The following XK variants were observed in gnomAD, a reference collection of about 807,000 sequenced individuals.
The protein encoded by XK is X-linked Kx blood group antigen, Kell and VPS13A binding protein, also known as endoplasmic reticulum membrane adapter protein XK.
In XK, 2 loss-of-function variants were observed where a neutral mutation model predicts 14.0. That is an observed-to-expected ratio of 0.14 (90% CI 0.06 to 0.45). The LOEUF is 0.45. Among genes scored for constraint, XK ranks in the 20% least tolerant of loss-of-function variants. XK has a pLI of 0.98. For missense variants in XK, 235 were observed against 341.5 expected (o/e 0.69, Z 2.46); for synonymous variants, 149 against 147.5 (o/e 1.01, Z -0.08).
chrX:37,692,934 C>T (rs1173350666), intron 1 of XK, among the ~76,000 whole-genome samples: 1 of 110,536 alleles, frequency 9.0e-6, no homozygotes, highest in Non-Finnish European at 1.9e-5. Flanking sequence ...TTCTTGACCC[C>T]ATGGGACAAA....
chrX:37,712,849 G>A (rs1556447001), intron 2 of XK, among the ~76,000 whole-genome samples: 2 of 112,170 alleles, frequency 1.8e-5, no homozygotes, highest in Non-Finnish European at 3.8e-5. Context: ...CATTGCAAGT[G>A]TTAGAATATG....
At chrX:37,712,928 C>G (rs1210487309) in intron 2 of XK, among the ~76,000 whole-genome samples, 1 of 111,825 alleles carries the variant, frequency 8.9e-6, no homozygotes, top group Admixed American at 9.5e-5. Flanking sequence ...CAGAGTGATC[C>G]TATGGTTGAC....
intron 2 of XK, among the ~76,000 whole-genome samples, chrX:37,721,146 C>T (rs1378953612): frequency 9.0e-6 from 1 of 110,869 alleles, no homozygotes; most frequent in East Asian, 2.8e-4. Flanking sequence ...ATAAGTGTTC[C>T]CTTTTCTCCC....
intron 2 of XK, among the ~76,000 whole-genome samples, chrX:37,714,400 GA>G (rs782031965): frequency 9.2e-5 from 10 of 108,278 alleles, no homozygotes; most frequent in East Asian, 2.9e-4. Context: ...ATTACATTCA[GA>G]AAAAAAAAGC....
At chrX:37,705,376 C>T (rs1001002591) in intron 2 of XK, among the ~76,000 whole-genome samples, 16 of 109,182 alleles carry the variant, frequency 1.5e-4, no homozygotes, top group Non-Finnish European at 2.9e-4. Context: ...GGCGTGAACC[C>T]GGGAGGTGGA....
chrX:37,714,569 G>C (rs1233665982), intron 2 of XK, among the ~76,000 whole-genome samples: 1 of 110,878 alleles, frequency 9.0e-6, no homozygotes, highest in Non-Finnish European at 1.9e-5. Context: ...ACTTATTTAT[G>C]GTGAGAGGTT....
chrX:37,686,702 G>A (rs781847230), intron 1 of XK, among the ~76,000 whole-genome samples: 1 of 111,067 alleles, frequency 9.0e-6, no homozygotes, highest in South Asian at 4.0e-4. Context: ...ATTCTCATAG[G>A]GAAGTCAAGA....
chrX:37,706,730 A>G (rs1209262996), intron 2 of XK, among the ~76,000 whole-genome samples: 1 of 109,550 alleles, frequency 9.1e-6, no homozygotes, highest in East Asian at 2.8e-4. Flanking sequence ...AGGTCAGCAG[A>G]TAAACAAGTG....
intron 1 of XK, among the ~76,000 whole-genome samples, chrX:37,686,464 A>G (rs1236887324): frequency 8.9e-6 from 1 of 112,250 alleles, no homozygotes; most frequent in Non-Finnish European, 1.9e-5. Flanking sequence ...ACTGAAATTG[A>G]CCAACAAAAA....
intron 2 of XK, among the ~76,000 whole-genome samples, chrX:37,717,777 A>AT (rs1374653090): frequency 6.3e-5 from 7 of 111,782 alleles, no homozygotes; most frequent in Non-Finnish European, 1.3e-4. Context: ...TTCAAGAGAG[A>AT]TTTTGGTAAC....
At chrX:37,698,508 C>A (rs782237693) in intron 2 of XK, among the ~76,000 whole-genome samples, 2 of 76,332 alleles carry the variant, frequency 2.6e-5, no homozygotes, top group Non-Finnish European at 4.5e-5. Context: ...GAGGATAAGG[C>A]GGGAGGATTG....
chrX:37,696,096 G>GAAGGGTTGGCAAACTA (rs1168043047), intron 2 of XK, among the ~76,000 whole-genome samples: 19 of 111,931 alleles, frequency 1.7e-4, no homozygotes, highest in African/African-American at 6.2e-4. Context: ...TCTCACAGTT[G>GAAGGGTTGGCAAACTA]AAGGGTTGGC....
intron 2 of XK, among the ~76,000 whole-genome samples, chrX:37,707,412 GGT>G (rs1927556625): frequency 1.8e-5 from 2 of 109,264 alleles, no homozygotes; most frequent in African/African-American, 6.7e-5. Flanking sequence ...TCTCAGACAG[GGT>G]GGCTGCCGGG....
intron 1 of XK, among the ~76,000 whole-genome samples, chrX:37,693,476 CGTGTGTGTGT>C (rs781954179): frequency 1.0e-5 from 1 of 95,934 alleles, no homozygotes; most frequent in Non-Finnish European, 2.1e-5. Context: ...TCTATCAATT[CGTGTGTGTGT>C]GTGTGTGTGT....
chrX:37,708,098 C>G (rs782730568), intron 2 of XK, among the ~76,000 whole-genome samples: 24 of 112,260 alleles, frequency 2.1e-4, no homozygotes, highest in Admixed American at 9.4e-4. Flanking sequence ...CTCAGGCACT[C>G]GGCAGGCTGA....
At chrX:37,726,901 A>C (rs1927985341) in intron 2 of XK, among the ~76,000 whole-genome samples, 1 of 111,869 alleles carries the variant, frequency 8.9e-6, no homozygotes. Context: ...GATCCTGCAG[A>C]TATAGAGGAA....
intron 2 of XK, among the ~76,000 whole-genome samples, chrX:37,714,165 T>A (rs782150060): frequency 1.8e-5 from 2 of 111,528 alleles, no homozygotes; most frequent in Non-Finnish European, 3.8e-5. Flanking sequence ...TAAGAGATCA[T>A]CATGTTTGAT....
intron 2 of XK, among the ~76,000 whole-genome samples, chrX:37,717,886 T>C (rs1927794313): frequency 8.9e-6 from 1 of 111,813 alleles, no homozygotes; most frequent in Admixed American, 9.5e-5. Context: ...TATAGTAATC[T>C]AAATAGGGGT....
At chrX:37,704,622 G>A (rs1556444543) in intron 2 of XK, among the ~76,000 whole-genome samples, 2 of 111,557 alleles carry the variant, frequency 1.8e-5, no homozygotes, top group Admixed American at 1.9e-4. Context: ...GATAGCCTGA[G>A]GTCAGGAGTT....
Sources: allele counts gnomAD v4.1 joint callset (sites outside exome capture counted in the v4.1 genomes callset), GRCh38; gene constraint gnomAD v4.1.1; transcripts MANE v1.5; gene names NCBI Gene and HGNC (gene_info 2026-07-23, HGNC 2026-07-21).